TOX: variants seen among roughly 807,000 people sequenced by gnomAD.
The protein encoded by TOX is thymocyte selection associated high mobility group box.
Under a neutral mutation model 53.7 loss-of-function variants are expected in TOX, and 11 were observed. The observed-to-expected ratio is 0.20, with a 90% CI of 0.13 to 0.34. The LOEUF (loss-of-function observed/expected upper bound fraction) is 0.34, where lower values mean the gene tolerates loss of function less well. Ranked by LOEUF, TOX falls within the 10% of genes least tolerant of loss-of-function variation. TOX has a pLI of 1.00. For missense variants in TOX, 570 were observed against 664.6 expected (o/e 0.86, Z 1.56); for synonymous variants, 225 against 245.3 (o/e 0.92, Z 0.77).
chr8:58,878,975 C>T (rs770117829), intron 3 of TOX, among the ~76,000 whole-genome samples: 9 of 150,880 alleles, frequency 6.0e-5, no homozygotes, highest in Admixed American at 1.3e-4. Context: ...GTAGGAAAAT[C>T]GCTTGAACCC....
At chr8:58,951,526 C>T (rs549403788) in intron 2 of TOX, among the ~76,000 whole-genome samples, 1 of 139,630 alleles carries the variant, frequency 7.2e-6, no homozygotes, top group South Asian at 2.4e-4. Context: ...TCCAGGCTTC[C>T]TTGAAGGCAA....
At chr8:59,019,304 A>C (rs1304164067) in intron 1 of TOX, among the ~76,000 whole-genome samples, 3 of 152,254 alleles carry the variant, frequency 2.0e-5, no homozygotes, top group African/African-American at 7.2e-5. Context: ...ATTGTTAAAT[A>C]AGAAATTGGT....
At chr8:58,913,936 G>A (rs912237066) in intron 3 of TOX, among the ~76,000 whole-genome samples, 5 of 152,158 alleles carry the variant, frequency 3.3e-5, no homozygotes, top group African/African-American at 1.2e-4. Flanking sequence ...CTGGTTATTG[G>A]AGTGACAAGA....
intron 1 of TOX, among the ~76,000 whole-genome samples, chr8:59,041,790 C>T (rs576839414): frequency 1.3e-5 from 2 of 152,228 alleles, no homozygotes; most frequent in South Asian, 2.1e-4. Flanking sequence ...TTAGGCAAGT[C>T]GATGAAATCA....
At chr8:58,994,417 T>A (rs77021792) in intron 1 of TOX, among the ~76,000 whole-genome samples, 1 of 139,816 alleles carries the variant, frequency 7.2e-6, no homozygotes, top group African/African-American at 3.0e-5. Flanking sequence ...TGTGTGTGTG[T>A]GTGCGCGCGC....
chr8:58,868,245 G>A (rs1000057381), intron 3 of TOX, among the ~76,000 whole-genome samples: 5 of 152,144 alleles, frequency 3.3e-5, no homozygotes, highest in African/African-American at 1.2e-4. Context: ...GGAACTGTGA[G>A]TTCATTAAAC....
rs1804622120 is a variant in TOX, at chr8:59,092,265, T to TA, written c.102+26620_102+26621insT. On this transcript the variant is annotated intron_variant, in intron 1 of 8. Coordinates refer to ENST00000361421, the MANE Select transcript of TOX (RefSeq NM_014729.3). ...AGACTCCATCTCATATATATATATT[T>TA]TATATATATATATATATTATATATA... 4.4e-5 allele frequency among the ~76,000 whole-genome samples: 4 copies of TA among 89,904 alleles called. 1 individual carries two copies. Among genetic ancestry groups the TA allele is most frequent in the African/African-American group, 4.2e-4 (4 of 9,568 alleles). 59.0% of individuals were successfully genotyped at this position (89,904 alleles called of 152,430 possible).
chr8:58,813,308 A>C (rs1307786940), intron 7 of TOX, among the ~76,000 whole-genome samples: 1 of 152,228 alleles, frequency 6.6e-6, no homozygotes, highest in Non-Finnish European at 1.5e-5. Context: ...TGATTGATAA[A>C]TCAGAAAAAA....
intron 1 of TOX, among the ~76,000 whole-genome samples, chr8:59,041,251 T>C (rs1426263989): frequency 1.3e-5 from 2 of 152,150 alleles, no homozygotes; most frequent in African/African-American, 4.8e-5. Context: ...AATTTCTTAA[T>C]GTGGCACACC....
intron 1 of TOX, among the ~76,000 whole-genome samples, chr8:59,075,656 C>T (rs1215460354): frequency 6.6e-6 from 1 of 152,152 alleles, no homozygotes; most frequent in East Asian, 1.9e-4. Context: ...TTTTCCTCCC[C>T]TACATCTGTA....
chr8:58,983,993 A>G (rs1813276534), intron 1 of TOX, among the ~76,000 whole-genome samples: 1 of 152,188 alleles, frequency 6.6e-6, no homozygotes, highest in South Asian at 2.1e-4. Flanking sequence ...CTGAGGAGAA[A>G]AACTTAAGGT....
chr8:58,872,843 A>C (rs1488889731), intron 3 of TOX, among the ~76,000 whole-genome samples: 1 of 152,154 alleles, frequency 6.6e-6, no homozygotes, highest in Non-Finnish European at 1.5e-5. Context: ...AAAGCTGAGG[A>C]AATACAAATG....
At chr8:58,828,923 G>A (rs529837970) in intron 5 of TOX, among the ~76,000 whole-genome samples, 81 of 152,092 alleles carry the variant, frequency 5.3e-4, no homozygotes, top group Non-Finnish European at 1.0e-3. Context: ...TTATGGTAAT[G>A]CATTTTTGTA....
At chr8:58,967,845 T>A (rs368249332) in intron 1 of TOX, among the ~76,000 whole-genome samples, 6 of 152,220 alleles carry the variant, frequency 3.9e-5, no homozygotes, top group African/African-American at 1.4e-4. Context: ...CACTCAAGCT[T>A]TCACTGCAGG....
chr8:58,978,472 CT>C (rs1813145314), intron 1 of TOX, among the ~76,000 whole-genome samples: 2 of 152,292 alleles, frequency 1.3e-5, no homozygotes, highest in East Asian at 3.9e-4. Context: ...CTTAGACCAT[CT>C]TAGACAACAT....
chr8:58,989,422 C>G (rs574143626), intron 1 of TOX, among the ~76,000 whole-genome samples: 1 of 152,124 alleles, frequency 6.6e-6, no homozygotes, highest in Non-Finnish European at 1.5e-5. Context: ...GGAGATCAAC[C>G]GGATGTTGAG....
intron 3 of TOX, among the ~76,000 whole-genome samples, chr8:58,925,524 T>C (rs935139791): frequency 6.6e-6 from 1 of 152,168 alleles, no homozygotes; most frequent in African/African-American, 2.4e-5. Context: ...GACTATCTCA[T>C]TTAATCCACA....
intron 1 of TOX, among the ~76,000 whole-genome samples, chr8:59,057,420 T>G (rs1803905426): frequency 6.6e-6 from 1 of 152,164 alleles, no homozygotes; most frequent in Non-Finnish European, 1.5e-5. Flanking sequence ...TAAAAAGAGT[T>G]ATTGTGTATA....
intron 3 of TOX, among the ~76,000 whole-genome samples, chr8:58,861,881 T>C (rs1264142700): frequency 6.6e-6 from 1 of 152,214 alleles, no homozygotes; most frequent in Non-Finnish European, 1.5e-5. Context: ...AGAACATTGA[T>C]ATTTGAGTTC....
Sources: gnomAD v4.1 joint callset for allele counts (sites outside exome capture counted in the v4.1 genomes callset) on GRCh38, gnomAD v4.1.1 for gene constraint, MANE v1.5 for transcripts, NCBI Gene and HGNC (gene_info 2026-07-23, HGNC 2026-07-21) for gene names.